ABCG1: variants seen among roughly 807,000 people sequenced by gnomAD.
The protein encoded by ABCG1 is ATP-binding cassette sub-family G member 1.
ABCG1 carries 29 observed loss-of-function variants against 69.2 expected under a neutral mutation model. The observed-to-expected ratio is 0.42, with a 90% CI of 0.31 to 0.57. ABCG1 has a LOEUF of 0.57. ABCG1 is among the 20% of genes least tolerant of loss of function. ABCG1 has a pLI of 0.15. For missense variants in ABCG1, 718 were observed against 898.1 expected, an observed-to-expected ratio of 0.80 and a Z score of 2.56; for synonymous variants, 370 against 374.8, an observed-to-expected ratio of 0.99 and a Z score of 0.15.
intron 4 of ABCG1, among the ~76,000 whole-genome samples, chr21:42,274,482 T>TTC (rs1237899191): frequency 1.3e-5 from 2 of 149,360 alleles, no homozygotes; most frequent in African/African-American, 5.0e-5. Flanking sequence ...GGCCTTTTTT[T>TTC]TTTTTTTTTG....
At chr21:42,256,009 C>A in intron 2 of ABCG1, 1 of 479,446 alleles carries the variant, frequency 2.1e-6, no homozygotes, top group Non-Finnish European at 3.3e-6. Context: ...GCCAGGGAGC[C>A]CCTAGAGCAG....
upstream of ABCG1, among the ~76,000 whole-genome samples, chr21:42,217,956 A>C (rs951034426): frequency 2.6e-5 from 4 of 152,070 alleles, no homozygotes; most frequent in Admixed American, 2.6e-4. Flanking sequence ...GGTGTGAGCC[A>C]CTGCGCCCGG....
intron 2 of ABCG1, among the ~76,000 whole-genome samples, chr21:42,232,698 G>A (rs1261159118): frequency 6.6e-6 from 1 of 152,140 alleles, no homozygotes; most frequent in African/African-American, 2.4e-5. Context: ...GCCTTGAATA[G>A]GCTTGTATCT....
chr21:42,210,387 G>A (rs2067577204), intron 2 of ABCG1, among the ~76,000 whole-genome samples: 1 of 152,112 alleles, frequency 6.6e-6, no homozygotes, highest in Non-Finnish European at 1.5e-5. Flanking sequence ...TTATGGGTGT[G>A]ATGGGAAGCT....
chr21:42,267,466 G>A lies in ABCG1; in HGVS notation c.287-3604G>A, dbSNP rs369431720. 3.0e-3 allele frequency among the ~76,000 whole-genome samples: 445 copies of A among 150,432 alleles called. 2 individuals are homozygous for A. Among genetic ancestry groups the A allele is most frequent in the African/African-American group, 0.01 (413 of 40,246 alleles). ...TCCGAGTTCTGTCTGGGTCTGGTCTGGGTTCTGTCTGGGTCTGATCTGGGT... is the reference window on the plus strand; with the variant it reads ...TCCGAGTTCTGTCTGGGTCTGGTCTAGGTTCTGTCTGGGTCTGATCTGGGT... On this transcript the variant is annotated intron_variant, in intron 2 of 14. Coordinates refer to ENST00000398449, the MANE Select transcript of ABCG1 (RefSeq NM_016818.3).
intron 2 of ABCG1, 91 bp downstream of exon 2, chr21:42,226,005 G>C (rs1444416932): frequency 2.7e-6 from 4 of 1,465,218 alleles, no homozygotes; most frequent in Admixed American, 2.0e-5. Flanking sequence ...TCTGGAGGTT[G>C]AGAGGCTGAG....
chr21:42,284,494 C>G, intron 6 of ABCG1, 66 bp from the exon 7 acceptor site: 1 of 1,583,132 alleles, frequency 6.3e-7, no homozygotes, highest in South Asian at 1.1e-5. Flanking sequence ...CCTGGACCCC[C>G]GGAACCTGGG....
intron 4 of ABCG1, among the ~76,000 whole-genome samples, chr21:42,275,839 G>C (rs1006544070): frequency 4.6e-5 from 7 of 152,260 alleles, no homozygotes; most frequent in African/African-American, 1.7e-4. Context: ...GCCGCCCGTT[G>C]CGGAGTCCGG....
intron 7 of ABCG1, among the ~76,000 whole-genome samples, chr21:42,285,657 A>G (rs1448877655): frequency 6.6e-6 from 1 of 152,204 alleles, no homozygotes; most frequent in African/African-American, 2.4e-5. Context: ...ATATAGTCAA[A>G]TCATCCTGGC....
intron 2 of ABCG1, among the ~76,000 whole-genome samples, chr21:42,254,673 G>T (rs2068274355): frequency 6.6e-6 from 1 of 152,242 alleles, no homozygotes; most frequent in Non-Finnish European, 1.5e-5. Context: ...AGGCATTAGG[G>T]GGAAGAAACA....
chr21:42,252,300 G>A (rs1297299304), intron 2 of ABCG1, among the ~76,000 whole-genome samples: 1 of 152,144 alleles, frequency 6.6e-6, no homozygotes, highest in African/African-American at 2.4e-5. Context: ...CTGGATTTCT[G>A]CTTGTTTTTC....
chr21:42,244,668 A>G (rs116494042), intron 2 of ABCG1, among the ~76,000 whole-genome samples: 4,172 of 152,348 alleles, frequency 0.027, 59 homozygotes, highest in African/African-American at 0.034. Context: ...TGGAACAGGC[A>G]CATGGCAGTG....
At position 42,287,943 on chromosome 21, in the gene ABCG1, C is replaced by A; in HGVS notation, c.1028C>A (p.Ala343Glu). 2 of 1,612,676 alleles carry A rather than the reference C, an allele frequency of 1.2e-6. No homozygotes were observed. The highest frequency in any genetic ancestry group is 2.2e-5 in the South Asian group (2 of 90,922). Residue 343 changes from alanine (A) to glutamate (E), a missense_variant, in exon 9 of 15, where the codon GCG (alanine) becomes GAG (glutamate). By Grantham distance (107) the Ala-to-Glu change is moderately radical. Around this residue, in one of 2 missense-constraint regions of ABCG1, gnomAD observed 514 missense variants for 574.3 expected, o/e 0.90. Transcript: ENST00000398449. The surrounding 1 kb of genome is among the most constrained non-coding windows in gnomAD (Gnocchi z 6.2). ...GATCAGAACAGTCGGCTGGTGAGAGCGGTTCGGGAGGGCATGTGTGACTCA... is the reference window on the plus strand; with the variant it reads ...GATCAGAACAGTCGGCTGGTGAGAGAGGTTCGGGAGGGCATGTGTGACTCA... ...YGDQNSRLVR[A>E]VREGMCDSDH... is the part of the protein sequence containing the mutation.
chr21:42,213,639 C>G (rs1311427732), upstream of ABCG1, among the ~76,000 whole-genome samples: 1 of 152,356 alleles, frequency 6.6e-6, no homozygotes, highest in East Asian at 1.9e-4. Context: ...CTGTGCCCAG[C>G]AAACCCATGT....
chr21:42,271,587 G>T (rs1245386751), intron 3 of ABCG1, among the ~76,000 whole-genome samples: 1 of 152,178 alleles, frequency 6.6e-6, no homozygotes, highest in African/African-American at 2.4e-5. Context: ...GGTCTTAGTT[G>T]TTTAGAAGTT....
chr21:42,217,677 CTCTTTTTTTTT>C (rs986581437), upstream of ABCG1, among the ~76,000 whole-genome samples: 2 of 123,670 alleles, frequency 1.6e-5, no homozygotes, highest in Non-Finnish European at 3.3e-5. Context: ...AATGGATCTA[CTCTTTTTTTTT>C]TTTTTTTTTT....
At chr21:42,293,820 C>T (rs188286251) in intron 13 of ABCG1, among the ~76,000 whole-genome samples, 7 of 151,478 alleles carry the variant, frequency 4.6e-5, no homozygotes, top group Admixed American at 2.0e-4. Context: ...TGCACACACA[C>T]CACTCACTGC....
At chr21:42,203,744 C>T (rs978458513) in intron 2 of ABCG1, among the ~76,000 whole-genome samples, 7 of 152,142 alleles carry the variant, frequency 4.6e-5, no homozygotes, top group Non-Finnish European at 7.3e-5. Context: ...ACTCCTTGGC[C>T]TTTCTTTAAA....
intron 5 of ABCG1, 147 bp downstream of exon 5, chr21:42,277,092 C>T: frequency 5.0e-6 from 4 of 804,588 alleles, no homozygotes; most frequent in South Asian, 4.9e-5. Flanking sequence ...GGCAACATTT[C>T]AGGGAGTGCT....
Sources: allele counts gnomAD v4.1 joint callset (sites outside exome capture counted in the v4.1 genomes callset), GRCh38; gene constraint gnomAD v4.1.1; regional missense constraint gnomAD v4.1.1; non-coding constraint Gnocchi (gnomAD v3.1); transcripts MANE v1.5; gene names NCBI Gene and HGNC (gene_info 2026-07-23, HGNC 2026-07-21).